TMEM65: variants seen among roughly 807,000 people sequenced by gnomAD.
The protein encoded by TMEM65 is transmembrane protein 65.
TMEM65 carries 22 observed loss-of-function variants against 25.4 expected under a neutral mutation model. The ratio of observed to expected loss-of-function variants is 0.86; its 90% CI spans 0.62 to 1.23. The LOEUF (loss-of-function observed/expected upper bound fraction) is 1.23. Among genes scored for constraint, TMEM65 ranks in the 50% most tolerant of loss-of-function variants. TMEM65 has a pLI of 0.00. For missense variants in TMEM65, 262 were observed against 308.2 expected, an observed-to-expected ratio of 0.85 and a Z score of 1.12; for synonymous variants, 132 against 126.2, an observed-to-expected ratio of 1.05 and a Z score of -0.31.
chr8:124,371,006 C>CT (rs1463910300), intron 1 of TMEM65, among the ~76,000 whole-genome samples: 1 of 152,148 alleles, frequency 6.6e-6, no homozygotes, highest in African/African-American at 2.4e-5. Flanking sequence ...ATTTTCTGAA[C>CT]TTTTAGCTTT....
rs1814421158 is a variant in TMEM65 at position 124,330,701 on chromosome 8, G to A, written c.349+47C>T. On this transcript the variant is annotated intron_variant, in intron 2 of 6. Coordinates refer to ENST00000297632, the MANE Select transcript of TMEM65 (RefSeq NM_194291.3). Reference sequence around the variant, plus strand: ...TCAATGAATGATACAGTTATTTCAAGGCCAAAAGACAGATGAACATATATT... The same window carrying A: ...TCAATGAATGATACAGTTATTTCAAAGCCAAAAGACAGATGAACATATATT... 3 of 1,554,840 alleles carry A rather than the reference G, an allele frequency of 1.9e-6. No homozygotes were observed. In the Admixed American group the frequency reaches 5.4e-5, roughly 28 times the overall value.
At chr8:124,348,279 AG>A (rs578251188) in intron 1 of TMEM65, among the ~76,000 whole-genome samples, 2 of 46,614 alleles carry the variant, frequency 4.3e-5, no homozygotes, top group East Asian at 4.0e-3. Flanking sequence ...ATTTCATGGT[AG>A]TTTTTTTTTT....
intron 6 of TMEM65, among the ~76,000 whole-genome samples, chr8:124,318,566 G>A (rs1814268234): frequency 1.3e-5 from 2 of 151,744 alleles, no homozygotes; most frequent in Middle Eastern, 3.2e-3. Flanking sequence ...AATAGAGACA[G>A]GGTTTCACCA....
chr8:124,327,893 TACTA>T (rs879803146), intron 2 of TMEM65, among the ~76,000 whole-genome samples: 19 of 152,178 alleles, frequency 1.2e-4, no homozygotes, highest in African/African-American at 2.7e-4. Context: ...TGGGTGCTTT[TACTA>T]ACTAATTTTT....
chr8:124,346,616 T>C (rs1814643236), intron 1 of TMEM65, among the ~76,000 whole-genome samples: 1 of 152,216 alleles, frequency 6.6e-6, no homozygotes. Flanking sequence ...AACAGCTTAA[T>C]GCATATACTA....
At chr8:124,314,200 G>T in intron 6 of TMEM65, 139 bp from the exon 7 acceptor site, 1 of 672,394 alleles carries the variant, frequency 1.5e-6, no homozygotes. Context: ...ATTTATCCCT[G>T]TGTATACCTA....
At chr8:124,344,764 A>G (rs1365747407) in intron 1 of TMEM65, among the ~76,000 whole-genome samples, 2 of 152,220 alleles carry the variant, frequency 1.3e-5, no homozygotes, top group Non-Finnish European at 2.9e-5. Flanking sequence ...CCTGATAGCC[A>G]TAATAGTCTC....
chr8:124,370,723 C>G (rs1034953223), intron 1 of TMEM65, among the ~76,000 whole-genome samples: 1 of 152,214 alleles, frequency 6.6e-6, no homozygotes, highest in Admixed American at 6.5e-5. Flanking sequence ...GTAGATAATT[C>G]TTTCCTCCAT....
chr8:124,315,321 T>G (rs538792404), intron 6 of TMEM65, among the ~76,000 whole-genome samples: 85 of 150,184 alleles, frequency 5.7e-4, no homozygotes, highest in African/African-American at 2.0e-3. Flanking sequence ...ACAGTTTTTT[T>G]TTTGTTTGTT....
intron 4 of TMEM65, among the ~76,000 whole-genome samples, chr8:124,323,030 G>T (rs928344225): frequency 1.4e-5 from 2 of 148,066 alleles, no homozygotes. Context: ...AAATAAAAGA[G>T]ACCAAGGGTA....
chr8:124,331,342 A>T (rs1814428881), intron 1 of TMEM65, among the ~76,000 whole-genome samples: 1 of 125,290 alleles, frequency 8.0e-6, no homozygotes, highest in Non-Finnish European at 1.7e-5. Context: ...TGAATATTTT[A>T]ACTTTTATAA....
intron 6 of TMEM65, among the ~76,000 whole-genome samples, chr8:124,319,486 T>C (rs369198952): frequency 2.3e-4 from 35 of 152,260 alleles, no homozygotes; most frequent in African/African-American, 6.0e-4. Flanking sequence ...CTACTATATA[T>C]TATATTCCTA....
intron 1 of TMEM65, among the ~76,000 whole-genome samples, chr8:124,346,034 C>T (rs1449619561): frequency 2.6e-5 from 4 of 152,162 alleles, no homozygotes; most frequent in African/African-American, 9.7e-5. Flanking sequence ...CATAAGCCAC[C>T]GTGCCCTGCC....
chr8:124,363,977 G>A (rs1814907469), intron 1 of TMEM65, among the ~76,000 whole-genome samples: 2 of 150,284 alleles, frequency 1.3e-5, no homozygotes, highest in Non-Finnish European at 2.9e-5. Context: ...GGATTTTGTT[G>A]TGCAACCATA....
At chr8:124,363,861 A>AAC (rs1814905430) in intron 1 of TMEM65, among the ~76,000 whole-genome samples, 1 of 149,446 alleles carries the variant, frequency 6.7e-6, no homozygotes, top group African/African-American at 2.5e-5. Flanking sequence ...AAAAAAAAAA[A>AAC]AAAAAACAAG....
intron 1 of TMEM65, among the ~76,000 whole-genome samples, chr8:124,351,489 T>C (rs1814707598): frequency 6.6e-6 from 1 of 152,196 alleles, no homozygotes. Flanking sequence ...TGGAAAAAAC[T>C]TATCAGAAGC....
intron 5 of TMEM65, among the ~76,000 whole-genome samples, chr8:124,321,792 C>T (rs567082124): frequency 1.3e-5 from 2 of 152,168 alleles, no homozygotes; most frequent in South Asian, 4.1e-4. Flanking sequence ...TTCCATTTTG[C>T]TTACATTATG....
At chr8:124,329,550 A>G (rs1814406972) in intron 2 of TMEM65, among the ~76,000 whole-genome samples, 2 of 151,986 alleles carry the variant, frequency 1.3e-5, no homozygotes, top group Admixed American at 1.3e-4. Context: ...GGTCAGTAAA[A>G]CCAAGGCACT....
chr8:124,315,631 A>G (rs1258582955), intron 6 of TMEM65, among the ~76,000 whole-genome samples: 1 of 152,050 alleles, frequency 6.6e-6, no homozygotes. Flanking sequence ...CACATCCTAC[A>G]GTTTTTCTAA....
Sources: allele counts gnomAD v4.1 joint callset (sites outside exome capture counted in the v4.1 genomes callset), GRCh38; gene constraint gnomAD v4.1.1; transcripts MANE v1.5; gene names NCBI Gene and HGNC (gene_info 2026-07-23, HGNC 2026-07-21).